The following MYT1L variants were observed in gnomAD, a reference collection of about 807,000 sequenced individuals.
MYT1L encodes the protein myelin transcription factor 1 like.
MYT1L carries 12 observed loss-of-function variants against 126.7 expected under a neutral mutation model. That is an observed-to-expected ratio of 0.09 (90% confidence interval 0.06 to 0.15). The LOEUF is 0.15. Ranked by LOEUF, MYT1L falls within the 10% of genes least tolerant of loss-of-function variation. The probability of loss-of-function intolerance (pLI) is 1.00; values close to 1 mark genes in which losing one functional copy is unlikely to be tolerated. For synonymous variants in MYT1L, 541 were observed against 604.2 expected (o/e 0.90, Z 1.53); for missense variants, 979 against 1,585.2 (o/e 0.62, Z 6.49).
intron 4 of MYT1L, among the ~76,000 whole-genome samples, chr2:1,998,732 C>T (rs1389445016): frequency 6.6e-6 from 1 of 152,100 alleles, no homozygotes; most frequent in Non-Finnish European, 1.5e-5. Flanking sequence ...TTCTCTTACC[C>T]CTCCTTTGGA....
intron 2 of MYT1L, among the ~76,000 whole-genome samples, chr2:2,220,907 G>A (rs1052659688): frequency 6.6e-6 from 1 of 152,090 alleles, no homozygotes; most frequent in Non-Finnish European, 1.5e-5. Context: ...GTTATTGATG[G>A]TGATGATTTG....
chr2:2,048,008 A>C (rs757584208), intron 4 of MYT1L, among the ~76,000 whole-genome samples: 12 of 148,316 alleles, frequency 8.1e-5, no homozygotes, highest in Non-Finnish European at 1.2e-4. Flanking sequence ...GGGGCTGTCC[A>C]TAAACTGTGG....
At chr2:2,006,412 C>A (rs928932305) in intron 4 of MYT1L, among the ~76,000 whole-genome samples, 4 of 152,160 alleles carry the variant, frequency 2.6e-5, no homozygotes, top group Admixed American at 2.0e-4. Flanking sequence ...AAGCCTCCAA[C>A]ACAGTATAAT....
At chr2:1,809,715 C>CAA (rs1248076553) in intron 21 of MYT1L, 1 of 152,712 alleles carries the variant, frequency 6.5e-6, no homozygotes, top group Non-Finnish European at 1.5e-5. Flanking sequence ...CTCCTTATCT[C>CAA]ACTTACAATT....
At chr2:2,028,220 C>T (rs1411434426) in intron 4 of MYT1L, among the ~76,000 whole-genome samples, 2 of 152,264 alleles carry the variant, frequency 1.3e-5, no homozygotes, top group African/African-American at 2.4e-5. Context: ...CAGCACCGAT[C>T]AGCTTGGTCA....
chr2:2,215,479 A>G (rs2093651026), intron 2 of MYT1L, among the ~76,000 whole-genome samples: 1 of 152,214 alleles, frequency 6.6e-6, no homozygotes, highest in Non-Finnish European at 1.5e-5. Flanking sequence ...AATTAATCAA[A>G]AGAAAATGAC....
chr2:1,995,707 G>C (rs537914757), intron 5 of MYT1L, among the ~76,000 whole-genome samples: 35 of 152,308 alleles, frequency 2.3e-4, no homozygotes, highest in African/African-American at 8.2e-4. Context: ...GGTGATGGGC[G>C]TGGGACCAGC....
At chr2:1,899,859 C>T (rs1429877977) in intron 14 of MYT1L, among the ~76,000 whole-genome samples, 2 of 152,186 alleles carry the variant, frequency 1.3e-5, no homozygotes, top group Non-Finnish European at 2.9e-5. Flanking sequence ...CAGACAGACA[C>T]ATAGACAGAC....
chr2:2,180,585 C>A (rs569245327), intron 2 of MYT1L, among the ~76,000 whole-genome samples: 179 of 148,286 alleles, frequency 1.2e-3, no homozygotes, highest in African/African-American at 4.2e-3. Flanking sequence ...TGTGTGTGCG[C>A]CTATGTGTGT....
At chr2:1,869,309 G>C (rs971966260) in intron 18 of MYT1L, among the ~76,000 whole-genome samples, 1 of 152,256 alleles carries the variant, frequency 6.6e-6, no homozygotes, top group Non-Finnish European at 1.5e-5. Context: ...TTTCATCTAA[G>C]AAAGTGGTTC....
At chr2:2,269,682 C>G (rs542446564) in intron 2 of MYT1L, among the ~76,000 whole-genome samples, 164 of 152,236 alleles carry the variant, frequency 1.1e-3, no homozygotes, top group African/African-American at 3.8e-3. Context: ...ATTTGTGCTC[C>G]CCGGCAAGCC....
intron 22 of MYT1L, among the ~76,000 whole-genome samples, chr2:1,805,175 C>T (rs1356411868): frequency 6.6e-6 from 1 of 152,146 alleles, no homozygotes; most frequent in Non-Finnish European, 1.5e-5. Context: ...AGAGCAGGCT[C>T]ATCCCTAAAC....
At chr2:2,225,665 C>T (rs747632418) in intron 2 of MYT1L, among the ~76,000 whole-genome samples, 5 of 152,158 alleles carry the variant, frequency 3.3e-5, no homozygotes, top group Non-Finnish European at 7.4e-5. Context: ...CTTGCCTCCT[C>T]CTGCTCCTCC....
At position 1,806,869 on chromosome 2, in the gene MYT1L, A is replaced by C. The variant is rs1198868648; in HGVS notation, c.3172+2207T>G. Reference sequence around the variant, plus strand: ...TCAATTGTCTAAGGATTTCCACTTTAATCCAGGGTTATTCGGGGGTGAAAT... The same window carrying C: ...TCAATTGTCTAAGGATTTCCACTTTCATCCAGGGTTATTCGGGGGTGAAAT... On this transcript the variant is annotated intron_variant, in intron 22 of 24. Coordinates refer to ENST00000647738, the MANE Select transcript of MYT1L (RefSeq NM_001303052.2). The surrounding 1 kb of genome is among the most constrained non-coding windows in gnomAD (Gnocchi z 4.9). Among the ~76,000 whole-genome samples, 1 of 152,238 alleles carries C rather than the reference A, an allele frequency of 6.6e-6. No individual in the cohort carries two copies. The highest frequency in any genetic ancestry group is 2.1e-4 in the South Asian group (1 of 4,830).
chr2:1,843,729 C>T (rs955703306), intron 19 of MYT1L, among the ~76,000 whole-genome samples: 1 of 152,120 alleles, frequency 6.6e-6, no homozygotes, highest in East Asian at 1.9e-4. Flanking sequence ...TGGGGGAAGC[C>T]GAGCCCCTGA....
At chr2:2,091,948 C>T (rs1369179698) in intron 3 of MYT1L, among the ~76,000 whole-genome samples, 1 of 152,210 alleles carries the variant, frequency 6.6e-6, no homozygotes, top group African/African-American at 2.4e-5. Context: ...TAAGCTTTGA[C>T]TGAAGGGAAT....
At chr2:2,069,545 T>G (rs1489358941) in intron 3 of MYT1L, among the ~76,000 whole-genome samples, 1 of 152,176 alleles carries the variant, frequency 6.6e-6, no homozygotes, top group East Asian at 1.9e-4. Context: ...TGTGCATGTG[T>G]CTTTATAGTA....
At chr2:1,897,933 TA>T (rs1197485253) in intron 14 of MYT1L, among the ~76,000 whole-genome samples, 2 of 152,136 alleles carry the variant, frequency 1.3e-5, no homozygotes, top group Non-Finnish European at 2.9e-5. Flanking sequence ...TAAACCATCC[TA>T]AAAATACCTC....
intron 3 of MYT1L, among the ~76,000 whole-genome samples, chr2:2,099,939 G>T (rs2077863008): frequency 6.6e-6 from 1 of 152,188 alleles, no homozygotes; most frequent in Non-Finnish European, 1.5e-5. Context: ...ACTTATGATT[G>T]ACAGAGAGAG....
Sources: gnomAD v4.1 joint callset for allele counts (sites outside exome capture counted in the v4.1 genomes callset) on GRCh38, gnomAD v4.1.1 for gene constraint, Gnocchi (gnomAD v3.1) non-coding constraint, MANE v1.5 for transcripts, NCBI Gene and HGNC (gene_info 2026-07-23, HGNC 2026-07-21) for gene names.